TNRC6A: variants seen among roughly 807,000 people sequenced by gnomAD.
The protein encoded by TNRC6A is trinucleotide repeat containing adaptor 6A, also known as trinucleotide repeat-containing gene 6A protein.
TNRC6A carries 44 observed loss-of-function variants against 221.2 expected under a neutral mutation model. The observed-to-expected ratio is 0.20, with a 90% confidence interval of 0.16 to 0.26. TNRC6A has a LOEUF of 0.26. Among genes scored for constraint, TNRC6A ranks in the 10% least tolerant of loss-of-function variants. The pLI is 1.00. For missense variants in TNRC6A, 2,199 were observed against 2,404.4 expected (o/e 0.91, Z 1.79); for synonymous variants, 847 against 838.5 (o/e 1.01, Z -0.18).
At chr16:24,793,350 A>G (rs2058150709) in intron 6 of TNRC6A, 123 bp from the exon 7 acceptor site, 5 of 553,902 alleles carry the variant, frequency 9.0e-6, no homozygotes, top group Non-Finnish European at 1.4e-5. Flanking sequence ...TCACAGTATC[A>G]TTATTCAGTA....
chr16:24,803,957 A>C, intron 11 of TNRC6A: 1 of 477,660 alleles, frequency 2.1e-6, no homozygotes, highest in Non-Finnish European at 3.6e-6. Context: ...TTACTAGTCT[A>C]TTTCAAGTTA....
intron 2 of TNRC6A, among the ~76,000 whole-genome samples, chr16:24,720,385 T>C (rs74905005): frequency 0.1 from 15,412 of 150,768 alleles, 1,803 homozygotes; most frequent in East Asian, 0.36. Context: ...CAGCTAGACC[T>C]TGTCTCAAAA....
intron 11 of TNRC6A, 163 bp downstream of exon 11, chr16:24,798,129 G>A (rs2058258648): frequency 5.7e-6 from 3 of 525,296 alleles, no homozygotes; most frequent in Non-Finnish European, 1.0e-5. Context: ...CCTTGAAAGT[G>A]CAGGACCACT....
intron 5 of TNRC6A, among the ~76,000 whole-genome samples, chr16:24,786,293 GTTTTT>G (rs71383716): frequency 6.7e-5 from 10 of 149,152 alleles, no homozygotes; most frequent in African/African-American, 2.0e-4. Context: ...GTCCTTTTTT[GTTTTT>G]TTTTGTTGTT....
chr16:24,730,357 G>A, intron 2 of TNRC6A, 57 bp downstream of exon 2: 2 of 1,581,630 alleles, frequency 1.3e-6, no homozygotes, highest in Non-Finnish European at 8.6e-7. Context: ...TTTCTACTCC[G>A]ATTCGCCTTT....
intron 1 of TNRC6A, among the ~76,000 whole-genome samples, chr16:24,623,715 A>T (rs1213650871): frequency 6.6e-6 from 1 of 151,154 alleles, no homozygotes; most frequent in African/African-American, 2.4e-5. Flanking sequence ...ATATAGTGAG[A>T]CCTCGTCTCT....
chr16:24,635,764 G>T (rs1901608150), intron 1 of TNRC6A, among the ~76,000 whole-genome samples: 1 of 152,184 alleles, frequency 6.6e-6, no homozygotes, highest in African/African-American at 2.4e-5. Context: ...AAAGAAAGAT[G>T]ATTTTGTCAC....
chr16:24,804,930 GT>G, intron 13 of TNRC6A, 79 bp downstream of exon 13: 1 of 1,613,376 alleles, frequency 6.2e-7, no homozygotes, highest in Non-Finnish European at 8.5e-7. Flanking sequence ...TGTAGTTACT[GT>G]GTTTAAATCA....
intron 1 of TNRC6A, among the ~76,000 whole-genome samples, chr16:24,631,346 C>T (rs1275146268): frequency 6.6e-6 from 1 of 152,124 alleles, no homozygotes; most frequent in African/African-American, 2.4e-5. Flanking sequence ...TTTCTCAACC[C>T]CTCAGCAACA....
intron 2 of TNRC6A, among the ~76,000 whole-genome samples, chr16:24,680,840 A>G (rs2055519349): frequency 6.6e-6 from 1 of 151,856 alleles, no homozygotes. Context: ...GCTCACTGCA[A>G]CCAACCTCTG....
At chr16:24,763,307 G>A (rs185762156) in intron 4 of TNRC6A, among the ~76,000 whole-genome samples, 4 of 152,188 alleles carry the variant, frequency 2.6e-5, no homozygotes, top group Non-Finnish European at 5.9e-5. Flanking sequence ...ATTCTTCAAA[G>A]GGTGGAGGAC....
At chr16:24,805,901 A>G (rs895714968) in intron 15 of TNRC6A, among the ~76,000 whole-genome samples, 168 bp downstream of exon 15, 1 of 152,242 alleles carries the variant, frequency 6.6e-6, no homozygotes, top group Admixed American at 6.5e-5. Flanking sequence ...TTTGTGAAGA[A>G]TGTCTTGAAG....
chr16:24,755,721 T>C (rs1414861858), intron 3 of TNRC6A, among the ~76,000 whole-genome samples: 2 of 152,238 alleles, frequency 1.3e-5, no homozygotes, highest in East Asian at 3.8e-4. Flanking sequence ...AGTGGAGTGC[T>C]GTGCTCTGCC....
intron 2 of TNRC6A, among the ~76,000 whole-genome samples, chr16:24,747,658 C>G (rs2057042449): frequency 6.6e-6 from 1 of 152,090 alleles, no homozygotes; most frequent in African/African-American, 2.4e-5. Context: ...AGTTGGCTTT[C>G]TCTGAAGGAG....
At chr16:24,669,297 G>A (rs779611937) in intron 2 of TNRC6A, among the ~76,000 whole-genome samples, 1 of 151,982 alleles carries the variant, frequency 6.6e-6, no homozygotes, top group Non-Finnish European at 1.5e-5. Flanking sequence ...CCAGGAATTC[G>A]AGACCAGCCT....
chr16:24,777,578 G>A (rs1217790673), intron 5 of TNRC6A, among the ~76,000 whole-genome samples: 2 of 152,032 alleles, frequency 1.3e-5, no homozygotes, highest in African/African-American at 2.4e-5. Context: ...CTCCCTTCAG[G>A]TTCTGCCCAT....
intron 2 of TNRC6A, among the ~76,000 whole-genome samples, chr16:24,709,767 G>A (rs2056167963): frequency 7.0e-6 from 1 of 142,868 alleles, no homozygotes; most frequent in Admixed American, 7.5e-5. Context: ...CGAGACTGCA[G>A]TGAGCTATGA....
Position 24,791,650 on chromosome 16 carries a change from A to G in TNRC6A, c.3008A>G (p.Asp1003Gly). 6.2e-7 allele frequency: 1 copy of G among 1,612,388 alleles called. No individual in the cohort carries two copies. Among genetic ancestry groups the G allele is most frequent in the Non-Finnish European group, 8.5e-7 (1 of 1,179,602 alleles). The change falls in exon 6 of 25, where the codon GAT becomes GGT. Residue 1003 changes from aspartate to glycine, a missense_variant. By Grantham distance (94) the Asp-to-Gly change is moderately conservative (BLOSUM62 -1). Around this residue, in one of 8 missense-constraint regions of TNRC6A, gnomAD observed 1,405 missense variants for 1,400.2 expected, o/e 1.00. Transcript: ENST00000395799. The part of the protein sequence containing the change: ...ESIRRKMEID[D>G]GTSAWGDPSK... ...ATACGTCGCAAAATGGAGATTGATG[A>G]TGGAACTTCAGCTTGGGGAGATCCA...
Position 24,823,369 on chromosome 16 carries a change from G to A in TNRC6A, c.5514-63G>A, listed in dbSNP as rs1215973457. 4.6e-5 allele frequency: 70 copies of A among 1,536,924 alleles called. No individual in the cohort carries two copies. Among genetic ancestry groups the A allele is most frequent in the Non-Finnish European group, 6.0e-5 (69 of 1,141,012 alleles). On this transcript the variant is annotated intron_variant, in intron 24 of 24. Coordinates refer to ENST00000395799, the MANE Select transcript of TNRC6A (RefSeq NM_014494.4). The surrounding 1 kb of genome is among the most constrained non-coding windows in gnomAD (Gnocchi z 4.3). Reference sequence around the variant, plus strand: ...GCAGAGACAAGTTGCACCCTCACTTGTGAGTGAATGAAGCCCTCCTGGTGT... The same window carrying A: ...GCAGAGACAAGTTGCACCCTCACTTATGAGTGAATGAAGCCCTCCTGGTGT...
Sources: allele counts gnomAD v4.1 joint callset (sites outside exome capture counted in the v4.1 genomes callset), GRCh38; gene constraint gnomAD v4.1.1; regional missense constraint gnomAD v4.1.1; non-coding constraint Gnocchi (gnomAD v3.1); transcripts MANE v1.5; gene names NCBI Gene and HGNC (gene_info 2026-07-23, HGNC 2026-07-21).